Variants in ICE2 observed in about 807,000 individuals in gnomAD.
ICE2 encodes little elongation complex subunit 2.
Under a neutral mutation model 105.4 loss-of-function variants are expected in ICE2, and 87 were observed. The observed-to-expected ratio is 0.83, with a 90% CI of 0.69 to 0.99. The LOEUF (loss-of-function observed/expected upper bound fraction) is 0.99, where lower values mean the gene tolerates loss of function less well. ICE2 is among the 50% of genes least tolerant of loss of function. ICE2 has a pLI of 0.00. For missense variants in ICE2, 1,323 were observed against 1,146.7 expected, an observed-to-expected ratio of 1.15 and a Z score of -2.22; for synonymous variants, 399 against 392.0, an observed-to-expected ratio of 1.02 and a Z score of -0.21.
At position 60,455,374 on chromosome 15, in the gene ICE2, A is replaced by T; in HGVS notation, c.735T>A (p.Asp245Glu). ...GTTCTGACGTTTCAATGGTAGCTAT[A>T]TCGTCCTTTGACAGCTGCAACTTTA... ...MPIKLQLSKD[D>E]IATIETSEQT... The change falls in exon 7 of 16, where the codon GAT (aspartate) becomes GAA (glutamate). Residue 245 changes from aspartate to glutamate, a missense_variant. Coordinates refer to ENST00000261520, the MANE Select transcript of ICE2 (RefSeq NM_024611.6). 1 of 1,614,050 alleles carries T rather than the reference A, an allele frequency of 6.2e-7. No individual in the cohort carries two copies. The highest frequency in any genetic ancestry group is 8.5e-7 in the Non-Finnish European group (1 of 1,179,960).
chr15:60,455,133 C>A lies in ICE2; in HGVS notation c.813G>T (p.Lys271Asn). Residue 271 changes from lysine (K) to asparagine (N), a missense_variant, in exon 8 of 16, where the codon AAG becomes AAT. Physicochemically the swap from Lys to Asn is moderately conservative, Grantham distance 94. Coordinates refer to ENST00000261520, the MANE Select transcript of ICE2 (RefSeq NM_024611.6). The part of the protein sequence containing the change: ...YDISKDPNAE[K>N]LVSRYHPQIA... The stretch of plus-strand genomic sequence containing the variant: ...TCTGAGGGTGATATCTGGAAACAAG[C>A]TTCTCTGCATTTGGATCTTTACTAA... The A allele has an allele frequency of 6.3e-7, 1 of 1,586,126 alleles. No individual in the cohort carries two copies. The highest frequency in any genetic ancestry group is 1.4e-5 in the African/African-American group (1 of 73,464).
intron 12 of ICE2, among the ~76,000 whole-genome samples, chr15:60,437,010 T>C (rs2063608686): frequency 6.6e-6 from 1 of 152,038 alleles, no homozygotes; most frequent in Admixed American, 6.5e-5. Flanking sequence ...CCCCGCACTT[T>C]GGGAGGCCGA....
intron 12 of ICE2, chr15:60,441,534 GGAA>G (rs1254050358): frequency 6.6e-6 from 1 of 152,082 alleles, no homozygotes; most frequent in Non-Finnish European, 1.5e-5. Flanking sequence ...TTGTCTAACA[GGAA>G]GAAGGGATAG....
At chr15:60,439,838 A>C (rs2063682272) in intron 12 of ICE2, 1 of 152,152 alleles carries the variant, frequency 6.6e-6, no homozygotes, top group Admixed American at 6.5e-5. Flanking sequence ...TTTATGTCAC[A>C]ATGCTTTCAC....
chr15:60,465,181 A>G (rs1456776732), intron 5 of ICE2, among the ~76,000 whole-genome samples: 1 of 151,994 alleles, frequency 6.6e-6, no homozygotes, highest in Non-Finnish European at 1.5e-5. Flanking sequence ...ATTCTTCCTT[A>G]CAGTGTTTTT....
chr15:60,443,116 T>A (rs1173960172), intron 11 of ICE2: 1 of 152,264 alleles, frequency 6.6e-6, no homozygotes, highest in African/African-American at 2.4e-5. Flanking sequence ...AGACACGAAG[T>A]ATCTGACAAA....
intron 14 of ICE2, among the ~76,000 whole-genome samples, chr15:60,430,179 A>C (rs1266995746): frequency 6.6e-6 from 1 of 152,218 alleles, no homozygotes; most frequent in South Asian, 2.1e-4. Flanking sequence ...CAGAAGAAGA[A>C]GGCAGAAGAG....
intron 15 of ICE2, 82 bp from the exon 16 acceptor site, chr15:60,423,844 T>C (rs984913541): frequency 2.5e-6 from 3 of 1,217,402 alleles, no homozygotes; most frequent in Non-Finnish European, 3.3e-6. Context: ...TATTTATACA[T>C]GTATTAACCA....
At chr15:60,461,598 A>T (rs2064279034) in intron 5 of ICE2, among the ~76,000 whole-genome samples, 1 of 152,208 alleles carries the variant, frequency 6.6e-6, no homozygotes, top group African/African-American at 2.4e-5. Context: ...TAAGAAAAAT[A>T]ATTTCAACTG....
chr15:60,436,095 T>C (rs770748653), intron 13 of ICE2, 48 bp downstream of exon 13: 14 of 714,500 alleles, frequency 2.0e-5, no homozygotes, highest in Non-Finnish European at 2.1e-5. Flanking sequence ...AAATTAATGA[T>C]CACATTAACA....
intron 5 of ICE2, among the ~76,000 whole-genome samples, chr15:60,460,406 G>A (rs1221763872): frequency 2.0e-5 from 3 of 152,220 alleles, no homozygotes; most frequent in African/African-American, 7.2e-5. Context: ...GCCGAGGCAG[G>A]AGAGTTGCTG....
chr15:60,451,715 G>A (rs2063970041), intron 9 of ICE2: 1 of 613,394 alleles, frequency 1.6e-6, no homozygotes, highest in Non-Finnish European at 2.0e-6. Flanking sequence ...GGTTCACCCT[G>A]ACTCCTGAGG....
intron 5 of ICE2, among the ~76,000 whole-genome samples, chr15:60,463,593 T>TAC (rs2064338929): frequency 6.6e-6 from 1 of 152,052 alleles, no homozygotes. Flanking sequence ...GCCAATACGG[T>TAC]GAAACCCCAT....
intron 3 of ICE2, among the ~76,000 whole-genome samples, chr15:60,472,887 A>C (rs555359974): frequency 1.8e-4 from 27 of 152,312 alleles, no homozygotes; most frequent in African/African-American, 6.5e-4. Context: ...TTTTAGTGTG[A>C]AAAGAGAAAG....
chr15:60,426,929 G>T (rs1376290861), intron 15 of ICE2, among the ~76,000 whole-genome samples: 1 of 152,136 alleles, frequency 6.6e-6, no homozygotes, highest in Non-Finnish European at 1.5e-5. Context: ...GGTTATAAAA[G>T]TTACTACTTC....
At chr15:60,424,952 T>A (rs759828326) in intron 15 of ICE2, among the ~76,000 whole-genome samples, 5 of 152,220 alleles carry the variant, frequency 3.3e-5, no homozygotes, top group East Asian at 1.9e-4. Flanking sequence ...CCTGCCCATA[T>A]CTGCCTTTAT....
At chr15:60,478,952 G>C (rs965212542) in intron 1 of ICE2, 51 bp downstream of exon 1, 1 of 455,572 alleles carries the variant, frequency 2.2e-6, no homozygotes, top group Non-Finnish European at 4.4e-6. Context: ...CCGCTGGCCC[G>C]GCAGCGCCCT....
chr15:60,424,531 G>C (rs1221797849), intron 15 of ICE2, among the ~76,000 whole-genome samples: 1 of 152,054 alleles, frequency 6.6e-6, no homozygotes, highest in Non-Finnish European at 1.5e-5. Context: ...TTTTGAGACA[G>C]AGTCTCGCTC....
At chr15:60,444,532 T>C (rs909903170) in intron 11 of ICE2, among the ~76,000 whole-genome samples, 3 of 152,182 alleles carry the variant, frequency 2.0e-5, no homozygotes, top group African/African-American at 4.8e-5. Flanking sequence ...TCTGTTCCAA[T>C]TTTTCACATA....
Sources: gnomAD v4.1 joint callset for allele counts (sites outside exome capture counted in the v4.1 genomes callset) on GRCh38, gnomAD v4.1.1 for gene constraint, MANE v1.5 for transcripts, NCBI Gene and HGNC (gene_info 2026-07-23, HGNC 2026-07-21) for gene names.